TBC1D5: variants seen among roughly 807,000 people sequenced by gnomAD.
The protein encoded by TBC1D5 is TBC1 domain family, member 5.
In TBC1D5, 75 loss-of-function variants were observed where a neutral mutation model predicts 100.3. The observed-to-expected ratio is 0.75, with a 90% CI of 0.62 to 0.91. TBC1D5 has a LOEUF of 0.91. Ranked by LOEUF, TBC1D5 falls within the 40% of genes least tolerant of loss-of-function variation. TBC1D5 has a pLI of 0.00. For missense variants in TBC1D5, 910 were observed against 942.4 expected, an observed-to-expected ratio of 0.97 and a Z score of 0.45; for synonymous variants, 323 against 325.6, an observed-to-expected ratio of 0.99 and a Z score of 0.09.
At chr3:17,636,173 C>T (rs74835704) in intron 1 of TBC1D5, among the ~76,000 whole-genome samples, 92 of 150,996 alleles carry the variant, frequency 6.1e-4, no homozygotes, top group African/African-American at 1.9e-3. Flanking sequence ...GGTGATAGAG[C>T]GAAACTCCAT....
At position 17,371,589 on chromosome 3, in the gene TBC1D5, A is replaced by G. The variant is rs940139005; in HGVS notation, c.995+486T>C. On this transcript the variant is annotated intron_variant, in intron 13 of 21. Coordinates refer to ENST00000253692, the Ensembl canonical transcript of TBC1D5. ...CAGGGTTGGTATTACAAAGAGTATT[A>G]GATGAGATACCATACACAGGTGAAA... 2.0e-5 allele frequency among the ~76,000 whole-genome samples: 3 copies of G among 152,200 alleles called. No individual in the cohort carries two copies. The East Asian group carries it at 5.8e-4, about 29-fold the overall frequency.
intron 3 of TBC1D5, among the ~76,000 whole-genome samples, chr3:17,507,678 T>C (rs916344645): frequency 2.0e-5 from 3 of 152,222 alleles, no homozygotes; most frequent in African/African-American, 2.4e-5. Context: ...GACTAATTTA[T>C]GTTTTAAAAT....
At chr3:17,485,704 A>C (rs367717592) in intron 3 of TBC1D5, among the ~76,000 whole-genome samples, 1 of 151,736 alleles carries the variant, frequency 6.6e-6, no homozygotes, top group Non-Finnish European at 1.5e-5. Context: ...GTATTCCATG[A>C]TGTATATGTG....
At chr3:17,374,349 T>C (rs1184220254) in intron 12 of TBC1D5, 122 bp downstream of exon 12, 1 of 844,336 alleles carries the variant, frequency 1.2e-6, no homozygotes, top group East Asian at 2.8e-5. Flanking sequence ...ATTCCATAGG[T>C]AATTTCATTT....
intron 13 of TBC1D5, among the ~76,000 whole-genome samples, chr3:17,320,715 T>A (rs1266183313): frequency 6.6e-6 from 1 of 152,244 alleles, no homozygotes; most frequent in Non-Finnish European, 1.5e-5. Flanking sequence ...GAGATATACA[T>A]TCATGATTTA....
At chr3:17,388,549 T>C (rs1436658600) in intron 8 of TBC1D5, among the ~76,000 whole-genome samples, 1 of 151,952 alleles carries the variant, frequency 6.6e-6, no homozygotes, top group Non-Finnish European at 1.5e-5. Flanking sequence ...ATAAGCACTC[T>C]TTAAAAACAT....
chr3:17,601,986 C>T (rs962090954), intron 2 of TBC1D5, among the ~76,000 whole-genome samples: 7 of 152,076 alleles, frequency 4.6e-5, no homozygotes, highest in East Asian at 1.9e-4. Context: ...CCTGCCACCA[C>T]GCCTGGCTAA....
At chr3:17,161,929 A>G (rs1022274464) in intron 21 of TBC1D5, among the ~76,000 whole-genome samples, 1 of 152,260 alleles carries the variant, frequency 6.6e-6, no homozygotes, top group African/African-American at 2.4e-5. Context: ...AAGAACGGCA[A>G]TTGCAAAGTA....
chr3:17,585,834 G>A lies in TBC1D5; in HGVS notation c.-36+38015C>T, dbSNP rs2096729239. On this transcript the variant is annotated intron_variant, in intron 2 of 21. Transcript: ENST00000253692. ...GTTTCATTTATACCTATAGGACTCG[G>A]CTCATAAATGTACATTTTATTCCTT... Among the ~76,000 whole-genome samples, 4 of 152,210 alleles carry A rather than the reference G, an allele frequency of 2.6e-5. No individual in the cohort carries two copies. The South Asian group carries it at 8.3e-4, about 32-fold the overall frequency.
chr3:17,581,697 G>A lies in TBC1D5; in HGVS notation c.-36+42152C>T, dbSNP rs146468246. On this transcript the variant is annotated intron_variant, in intron 2 of 21. Coordinates refer to ENST00000253692, the Ensembl canonical transcript of TBC1D5. The stretch of plus-strand genomic sequence containing the variant: ...ACATGATCTCTCTGCTTCTGCCCTC[G>A]CTCCCTTAAAATCTATTCTCAAGCT... 4.8e-3 allele frequency among the ~76,000 whole-genome samples: 730 copies of A among 152,082 alleles called. 4 individuals are homozygous for A. Among genetic ancestry groups the A allele is most frequent in the Non-Finnish European group, 8.6e-3 (583 of 67,998 alleles).
chr3:17,182,933 T>C (rs901962953), intron 19 of TBC1D5, among the ~76,000 whole-genome samples: 3 of 152,164 alleles, frequency 2.0e-5, no homozygotes, highest in African/African-American at 7.2e-5. Flanking sequence ...CTCCATTTCC[T>C]ACCTAGCTCT....
At chr3:17,543,680 A>G (rs115160943) in intron 2 of TBC1D5, among the ~76,000 whole-genome samples, 465 of 152,118 alleles carry the variant, frequency 3.1e-3, no homozygotes, top group African/African-American at 0.011. Context: ...GAAAAAATAT[A>G]TAAGTCTATA....
At chr3:17,595,533 C>T (rs1325672993) in intron 2 of TBC1D5, among the ~76,000 whole-genome samples, 1 of 152,066 alleles carries the variant, frequency 6.6e-6, no homozygotes, top group Admixed American at 6.6e-5. Flanking sequence ...TAAGAGTTAC[C>T]ATTTATTGAA....
intron 2 of TBC1D5, among the ~76,000 whole-genome samples, chr3:17,621,239 A>T (rs1209934452): frequency 6.6e-6 from 1 of 152,230 alleles, no homozygotes; most frequent in African/African-American, 2.4e-5. Context: ...ATTTGTGTAT[A>T]TATGTATAAA....
intron 1 of TBC1D5, among the ~76,000 whole-genome samples, chr3:17,713,432 CA>C (rs1274962794): frequency 4.6e-5 from 7 of 151,882 alleles, no homozygotes; most frequent in South Asian, 2.1e-4. Flanking sequence ...TTAGTACAGA[CA>C]GGGTTTCACC....
rs373446067 is a variant in TBC1D5, at chr3:17,715,814, G to C, written c.-101+23529C>G. On this transcript the variant is annotated intron_variant, in intron 1 of 21. Transcript: ENST00000253692. ...AAGACTATGTCTCTTAAAAAAAAGG[G>C]GGGGGAGGCCGAGGTGGGAGGATCA... Among the ~76,000 whole-genome samples the C allele has an allele frequency of 3.5e-4, 53 of 152,042 alleles. No homozygotes were observed. In the East Asian group the frequency reaches 3.7e-3, roughly 11 times the overall value.
Position 17,307,418 on chromosome 3 carries a change from G to C in TBC1D5, c.1138+574C>G, listed in dbSNP as rs7623987. Among the ~76,000 whole-genome samples, 990 of 152,270 alleles carry C rather than the reference G, an allele frequency of 6.5e-3. 1 individual carries two copies. Among genetic ancestry groups the C allele is most frequent in the Admixed American group, 0.011 (167 of 15,292 alleles). On this transcript the variant is annotated intron_variant, in intron 14 of 21. Transcript: ENST00000253692. ...CTAAGAACTATCAGACTATTCGAAA[G>C]GGCTAGACACTGGCTTTCCGGTTAT...
At chr3:17,472,743 G>T (rs1172367992) in intron 3 of TBC1D5, among the ~76,000 whole-genome samples, 1 of 152,182 alleles carries the variant, frequency 6.6e-6, no homozygotes, top group African/African-American at 2.4e-5. Flanking sequence ...GCTACTGAAA[G>T]AAGAAATCAA....
chr3:17,713,992 C>T (rs1203919021), intron 1 of TBC1D5, among the ~76,000 whole-genome samples: 1 of 152,116 alleles, frequency 6.6e-6, no homozygotes, highest in African/African-American at 2.4e-5. Context: ...AGAAAGGCAA[C>T]TTCAAAAGCT....
Sources: gnomAD v4.1 joint callset for allele counts (sites outside exome capture counted in the v4.1 genomes callset) on GRCh38, gnomAD v4.1.1 for gene constraint, MANE v1.5 for transcripts, NCBI Gene and HGNC (gene_info 2026-07-23, HGNC 2026-07-21) for gene names.